DACH2: variants seen among roughly 807,000 people sequenced by gnomAD.
DACH2 encodes dachshund homolog 2.
In DACH2, 17 loss-of-function variants were observed where a neutral mutation model predicts 35.8. The ratio of observed to expected loss-of-function variants is 0.48; its 90% confidence interval spans 0.33 to 0.71. The LOEUF (loss-of-function observed/expected upper bound fraction) is 0.71. DACH2 is among the 30% of genes least tolerant of loss of function. The pLI is 0.02. For missense variants in DACH2, 469 were observed against 472.7 expected (o/e 0.99, Z 0.07); for synonymous variants, 195 against 177.3 (o/e 1.10, Z -0.79).
intron 4 of DACH2, among the ~76,000 whole-genome samples, chrX:86,687,672 G>T (rs1395473733): frequency 9.0e-6 from 1 of 111,725 alleles, no homozygotes; most frequent in Non-Finnish European, 1.9e-5. Context: ...ACTGGATTAA[G>T]AAAATGTGGC....
chrX:86,279,011 G>C, intron 1 of DACH2, among the ~76,000 whole-genome samples: 1 of 111,967 alleles, frequency 8.9e-6, no homozygotes, highest in Non-Finnish European at 1.9e-5. Context: ...TCTACGGGCA[G>C]GGCATCTTTA....
At chrX:86,244,324 C>T (rs1397360620) in intron 1 of DACH2, among the ~76,000 whole-genome samples, 5 of 112,252 alleles carry the variant, frequency 4.5e-5, no homozygotes, top group African/African-American at 1.6e-4. Context: ...TCTTCTAATA[C>T]TGAATAAATT....
At chrX:86,545,093 C>A (rs2038939397) in intron 3 of DACH2, among the ~76,000 whole-genome samples, 1 of 112,070 alleles carries the variant, frequency 8.9e-6, no homozygotes, top group Non-Finnish European at 1.9e-5. Flanking sequence ...CCATGCATCG[C>A]CTTGCATGAG....
At chrX:86,254,801 TATATATAG>T (rs1569318132) in intron 1 of DACH2, among the ~76,000 whole-genome samples, 11 of 67,447 alleles carry the variant, frequency 1.6e-4, no homozygotes, top group African/African-American at 7.1e-4. Context: ...TATATATATA[TATATATAG>T]AGAGAGAGAG....
intron 3 of DACH2, among the ~76,000 whole-genome samples, chrX:86,549,186 GA>G (rs1188761951): frequency 5.4e-5 from 6 of 111,505 alleles, no homozygotes; most frequent in Admixed American, 2.9e-4. Context: ...TAATGGCTGG[GA>G]AAAAAATCTC....
chrX:86,304,582 G>A (rs2034639549), intron 1 of DACH2: 1 of 159,719 alleles, frequency 6.3e-6, no homozygotes, highest in Admixed American at 5.7e-5. Flanking sequence ...GATATCCTAT[G>A]TCCTTCTCTG....
intron 1 of DACH2, among the ~76,000 whole-genome samples, chrX:86,309,438 C>A (rs895904778): frequency 9.1e-6 from 1 of 110,458 alleles, no homozygotes; most frequent in African/African-American, 3.3e-5. Flanking sequence ...CAGCAATATA[C>A]CTTTACTGTC....
chrX:86,714,073 GT>G (rs2041308656), intron 5 of DACH2, among the ~76,000 whole-genome samples: 2 of 111,452 alleles, frequency 1.8e-5, no homozygotes, highest in East Asian at 5.6e-4. Context: ...TCCAAGTCTT[GT>G]TTTCTTCTAC....
At chrX:86,806,920 G>C (rs950205171) in intron 7 of DACH2, among the ~76,000 whole-genome samples, 1 of 111,646 alleles carries the variant, frequency 9.0e-6, no homozygotes, top group African/African-American at 3.3e-5. Context: ...AGTGGTGATC[G>C]GGGGTGAAGG....
At chrX:86,805,282 T>C (rs752378575) in intron 7 of DACH2, among the ~76,000 whole-genome samples, 7 of 112,486 alleles carry the variant, frequency 6.2e-5, no homozygotes, top group Non-Finnish European at 9.4e-5. Flanking sequence ...CTCTAAAGTA[T>C]CAGTCCTGGG....
At chrX:86,647,390 C>T (rs1301616649) in intron 3 of DACH2, among the ~76,000 whole-genome samples, 1 of 110,592 alleles carries the variant, frequency 9.0e-6, no homozygotes, top group African/African-American at 3.3e-5. Context: ...CATGAATAAA[C>T]CTGAAGCATG....
chrX:86,539,293 A>G (rs2038847806), intron 3 of DACH2, among the ~76,000 whole-genome samples: 1 of 111,173 alleles, frequency 9.0e-6, no homozygotes, highest in African/African-American at 3.3e-5. Flanking sequence ...TTCTGCCATG[A>G]TTGTAAGTTT....
intron 1 of DACH2, among the ~76,000 whole-genome samples, chrX:86,294,952 G>T (rs1358587253): frequency 9.1e-6 from 1 of 109,322 alleles, no homozygotes; most frequent in Non-Finnish European, 1.9e-5. Flanking sequence ...GCTCCACCCA[G>T]TTCGAGCTTC....
At chrX:86,700,232 G>A (rs759469024) in intron 5 of DACH2, among the ~76,000 whole-genome samples, 1 of 111,317 alleles carries the variant, frequency 9.0e-6, no homozygotes, top group Non-Finnish European at 1.9e-5. Flanking sequence ...TGTGTATTCT[G>A]TTGTCTTTGG....
chrX:86,287,657 T>A (rs1457791212), intron 1 of DACH2, among the ~76,000 whole-genome samples: 2 of 112,177 alleles, frequency 1.8e-5, no homozygotes, highest in African/African-American at 6.5e-5. Flanking sequence ...TTCTACTTGA[T>A]TGATTCTACT....
chrX:86,467,621 T>C lies in DACH2; in HGVS notation c.528-46658T>C, dbSNP rs761073667. Among the ~76,000 whole-genome samples the C allele has an allele frequency of 2.7e-5, 3 of 111,560 alleles. No homozygotes were observed. In the East Asian group the frequency reaches 8.5e-4, roughly 32 times the overall value. ...GCCTCCACATTTCCAGGTGGCCTTA[T>C]AGCAGCACCCCACTCTCTGGGTACC... On this transcript the variant is annotated intron_variant, in intron 2 of 11. Coordinates refer to ENST00000373125, the MANE Select transcript of DACH2 (RefSeq NM_053281.3).
intron 4 of DACH2, among the ~76,000 whole-genome samples, chrX:86,654,219 A>T (rs1228436249): frequency 9.5e-6 from 1 of 105,395 alleles, no homozygotes; most frequent in Admixed American, 1.0e-4. Flanking sequence ...AAAAAACGCA[A>T]TTAAAGATGG....
chrX:86,368,590 T>C (rs2035840156), intron 1 of DACH2, among the ~76,000 whole-genome samples: 1 of 105,111 alleles, frequency 9.5e-6, no homozygotes, highest in African/African-American at 3.5e-5. Flanking sequence ...TGAGACAGGG[T>C]TTCACTCTGT....
At chrX:86,497,314 C>T (rs1602582920) in intron 2 of DACH2, among the ~76,000 whole-genome samples, 2 of 111,913 alleles carry the variant, frequency 1.8e-5, no homozygotes, top group South Asian at 3.7e-4. Flanking sequence ...CAACCCTTCC[C>T]GTGATGCTAA....
Sources: gnomAD v4.1 joint callset for allele counts (sites outside exome capture counted in the v4.1 genomes callset) on GRCh38, gnomAD v4.1.1 for gene constraint, MANE v1.5 for transcripts, NCBI Gene and HGNC (gene_info 2026-07-23, HGNC 2026-07-21) for gene names.